Variants in ZNF678 observed in about 807,000 individuals in gnomAD.
ZNF678 encodes zinc finger protein 678.
ZNF678 carries 5 observed loss-of-function variants against 3.0 expected under a neutral mutation model. The ratio of observed to expected loss-of-function variants is 1.69; its 90% CI spans 0.88 to 3.56. ZNF678 has a LOEUF of 3.56. Among genes scored for constraint, ZNF678 ranks in the 30% most tolerant of loss-of-function variants. ZNF678 has a pLI of 0.00. For missense variants in ZNF678, 593 were observed against 605.0 expected (o/e 0.98, Z 0.21); for synonymous variants, 218 against 199.6 (o/e 1.09, Z -0.78).
rs556097472 is a variant in ZNF678, at chr1:227,615,235, G to C, written c.-163-31309G>C. ...TACTCCTAAGTTAGGCCTCCAGTTG[G>C]TTTACATACTCAGGATGTAGTTCCT... On this transcript the variant is annotated intron_variant, in intron 1 of 3. Coordinates refer to ENST00000343776, the MANE Select transcript of ZNF678 (RefSeq NM_001367909.1). Among the ~76,000 whole-genome samples the C allele has an allele frequency of 3.9e-5, 6 of 152,330 alleles. No individual in the cohort carries two copies. The South Asian group carries it at 1.2e-3, about 32-fold the overall frequency.
At chr1:227,665,557 CAAAG>C (rs1000535966), downstream of ZNF678, among the ~76,000 whole-genome samples, 88 of 152,194 alleles carry the variant, frequency 5.8e-4, no homozygotes, top group African/African-American at 1.8e-3. Flanking sequence ...ACTTACCTGG[CAAAG>C]AGAGAGCTTT....
intron 1 of ZNF678, among the ~76,000 whole-genome samples, chr1:227,589,704 A>G (rs920857046): frequency 1.3e-5 from 2 of 151,744 alleles, no homozygotes; most frequent in Non-Finnish European, 2.9e-5. Flanking sequence ...ATAACAGGAC[A>G]GGGATTTTTA....
At chr1:227,674,959 T>G (rs2102822662) in intron 5 of ZNF678, among the ~76,000 whole-genome samples, 1 of 152,350 alleles carries the variant, frequency 6.6e-6, no homozygotes, top group African/African-American at 2.4e-5. Context: ...TGTTGACATT[T>G]GTTTTGAGAT....
chr1:227,565,054 CTTTTTTTTTTT>C (rs56226010), intron 1 of ZNF678, among the ~76,000 whole-genome samples: 16 of 32,736 alleles, frequency 4.9e-4, no homozygotes, highest in Admixed American at 1.6e-3. Context: ...CCCTACCCGG[CTTTTTTTTTTT>C]TTTTTTTTTT....
intron 5 of ZNF678, among the ~76,000 whole-genome samples, chr1:227,673,978 G>A (rs1659640520): frequency 6.6e-6 from 1 of 152,134 alleles, no homozygotes; most frequent in Non-Finnish European, 1.5e-5. Context: ...AAAAAGAAAA[G>A]CTTTCTCTCT....
intron 1 of ZNF678, among the ~76,000 whole-genome samples, chr1:227,597,928 C>A (rs1657635898): frequency 6.6e-6 from 1 of 152,076 alleles, no homozygotes; most frequent in Non-Finnish European, 1.5e-5. Flanking sequence ...AGATAGCAAA[C>A]CAGCTCCGCA....
intron 1 of ZNF678, among the ~76,000 whole-genome samples, chr1:227,632,453 T>C (rs547129529): frequency 6.6e-5 from 10 of 152,158 alleles, no homozygotes; most frequent in Admixed American, 6.5e-4. Context: ...GACTGTTGAG[T>C]AGAGGCTTCT....
intron 1 of ZNF678, among the ~76,000 whole-genome samples, chr1:227,570,026 A>G (rs1656796456): frequency 6.6e-6 from 1 of 152,144 alleles, no homozygotes; most frequent in Non-Finnish European, 1.5e-5. Context: ...CCAAATCTGG[A>G]GTGGGTTTTA....
chr1:227,563,573 G>C lies in ZNF678; in HGVS notation c.-315G>C. On this transcript the variant is annotated 5_prime_UTR_variant, in exon 1 of 4. Transcript: ENST00000343776. The stretch of plus-strand genomic sequence containing the variant: ...GGCGGGGCCTTTGTCTTGTGCTCCA[G>C]CTGGAGCTTTGGTCCCGTATTCTCG... 2 of 800,012 alleles carry C rather than the reference G, an allele frequency of 2.5e-6. No homozygotes were observed. The highest frequency in any genetic ancestry group is 3.8e-6 in the Non-Finnish European group (2 of 529,064). The allele number at this position is 800,012 out of a possible 1,614,324, so 49.6% of individuals were successfully genotyped here.
intron 1 of ZNF678, among the ~76,000 whole-genome samples, chr1:227,613,722 C>T (rs1658078583): frequency 6.6e-6 from 1 of 152,198 alleles, no homozygotes; most frequent in Non-Finnish European, 1.5e-5. Flanking sequence ...CTTTGATAGC[C>T]TGTGCAAACC....
At chr1:227,679,301 A>G (rs1440622219), downstream of ZNF678, among the ~76,000 whole-genome samples, 1 of 152,116 alleles carries the variant, frequency 6.6e-6, no homozygotes, top group African/African-American at 2.4e-5. Context: ...TCTGCCCCCA[A>G]AGAAAGAAGA....
At chr1:227,619,334 T>C (rs957463834) in intron 1 of ZNF678, among the ~76,000 whole-genome samples, 3 of 152,160 alleles carry the variant, frequency 2.0e-5, no homozygotes, top group African/African-American at 7.2e-5. Context: ...TTTAAGCTTG[T>C]GGAGAAGGTT....
At chr1:227,578,498 A>G (rs557288256) in intron 1 of ZNF678, among the ~76,000 whole-genome samples, 17 of 152,314 alleles carry the variant, frequency 1.1e-4, no homozygotes, top group Non-Finnish European at 2.2e-4. Flanking sequence ...TCAGTCTTCA[A>G]GCACTGAGAT....
chr1:227,606,840 A>G lies in ZNF678; in HGVS notation c.-163-39704A>G, dbSNP rs139946403. Among the ~76,000 whole-genome samples, 1,010 of 152,278 alleles carry G rather than the reference A, an allele frequency of 6.6e-3. 9 individuals carry two copies. The highest frequency in any genetic ancestry group is 0.023 in the African/African-American group (966 of 41,560). ...ACAAGGCACACCCTGCACAGCCCCA[A>G]ATCCCTTAAACCTTGATTCAGTACA... On this transcript the variant is annotated intron_variant, in intron 1 of 3. Transcript: ENST00000343776.
intron 1 of ZNF678, among the ~76,000 whole-genome samples, chr1:227,584,813 C>T (rs1328891645): frequency 6.6e-6 from 1 of 152,186 alleles, no homozygotes; most frequent in East Asian, 1.9e-4. Flanking sequence ...TTGCTGGGGA[C>T]AGCCAGGGTG....
At chr1:227,645,447 A>C (rs918288399) in intron 1 of ZNF678, among the ~76,000 whole-genome samples, 4 of 152,172 alleles carry the variant, frequency 2.6e-5, no homozygotes, top group Non-Finnish European at 5.9e-5. Flanking sequence ...AGTACTTTTA[A>C]AATTTTTCTT....
intron 1 of ZNF678, among the ~76,000 whole-genome samples, chr1:227,600,921 A>T (rs1657722163): frequency 6.6e-6 from 1 of 152,136 alleles, no homozygotes; most frequent in South Asian, 2.1e-4. Flanking sequence ...TTTACATTTT[A>T]GTCTTTGATT....
intron 5 of ZNF678, among the ~76,000 whole-genome samples, chr1:227,671,315 C>G (rs938124966): frequency 6.6e-6 from 1 of 151,384 alleles, no homozygotes; most frequent in Admixed American, 6.6e-5. Context: ...TTCTAATGTT[C>G]TGAATTAAGG....
intron 1 of ZNF678, among the ~76,000 whole-genome samples, chr1:227,615,038 G>A (rs1321403950): frequency 6.6e-6 from 1 of 151,774 alleles, no homozygotes; most frequent in African/African-American, 2.4e-5. Context: ...TGGGCAGGAG[G>A]ATTTATACAG....
Sources: allele counts gnomAD v4.1 joint callset (sites outside exome capture counted in the v4.1 genomes callset), GRCh38; gene constraint gnomAD v4.1.1; transcripts MANE v1.5; gene names NCBI Gene and HGNC (gene_info 2026-07-23, HGNC 2026-07-21).